CNTN4: variants seen among roughly 807,000 people sequenced by gnomAD.
CNTN4 encodes the protein contactin-4.
Under a neutral mutation model 122.5 loss-of-function variants are expected in CNTN4, and 77 were observed. The ratio of observed to expected loss-of-function variants is 0.63; its 90% CI spans 0.52 to 0.76. The LOEUF (loss-of-function observed/expected upper bound fraction) is 0.76. CNTN4 is among the 30% of genes least tolerant of loss of function. CNTN4 has a pLI of 0.00. For missense variants in CNTN4, 1,256 were observed against 1,259.1 expected (o/e 1.00, Z 0.04); for synonymous variants, 512 against 447.0 (o/e 1.15, Z -1.83).
At chr3:2,394,856 G>A (rs1027423487) in intron 3 of CNTN4, among the ~76,000 whole-genome samples, 3 of 135,458 alleles carry the variant, frequency 2.2e-5, no homozygotes, top group African/African-American at 2.7e-5. Flanking sequence ...GCGCAATCTC[G>A]ACTGACTGCA....
At chr3:2,587,005 A>C (rs1379388169) in intron 4 of CNTN4, among the ~76,000 whole-genome samples, 6 of 152,170 alleles carry the variant, frequency 3.9e-5, no homozygotes, top group African/African-American at 1.4e-4. Flanking sequence ...TTAGCTAATG[A>C]AATTTTCTTC....
At chr3:2,280,118 TA>T (rs887060200) in intron 2 of CNTN4, among the ~76,000 whole-genome samples, 4 of 152,042 alleles carry the variant, frequency 2.6e-5, no homozygotes, top group African/African-American at 9.7e-5. Context: ...AACATGCATT[TA>T]TTTTTTTATT....
chr3:2,535,730 G>A (rs912318513), intron 3 of CNTN4, among the ~76,000 whole-genome samples: 4 of 152,080 alleles, frequency 2.6e-5, no homozygotes, highest in African/African-American at 9.7e-5. Flanking sequence ...ATATTTTGAT[G>A]TTATTTCTAC....
At chr3:2,613,644 C>T (rs1365007863) in intron 4 of CNTN4, among the ~76,000 whole-genome samples, 1 of 152,060 alleles carries the variant, frequency 6.6e-6, no homozygotes, top group African/African-American at 2.4e-5. Context: ...CCAATTTTTG[C>T]TATATGATCA....
chr3:2,420,158 G>A (rs2047561448), intron 3 of CNTN4, among the ~76,000 whole-genome samples: 1 of 152,178 alleles, frequency 6.6e-6, no homozygotes, highest in Non-Finnish European at 1.5e-5. Context: ...TTGTGTTTCT[G>A]AGGAATGCTT....
chr3:2,843,418 C>CCTCCTT (rs1485829306), intron 7 of CNTN4, among the ~76,000 whole-genome samples: 140 of 152,222 alleles, frequency 9.2e-4, no homozygotes, highest in Non-Finnish European at 1.4e-3. Flanking sequence ...AACTGGTGTC[C>CCTCCTT]CTCCTTCTAT....
chr3:2,900,776 G>C lies in CNTN4; in HGVS notation c.1032G>C (p.Lys344Asn). ...FWECKANGRP[K>N]PTYKWLKNGE... ...AATGTAAAGCAAATGGAAGGCCTAA[G>C]CCTACATACAAGTGGCTAAAAAATG... The change falls in exon 11 of 25, where the codon AAG (lysine) becomes AAC (asparagine). Residue 344 changes from lysine to asparagine, a missense_variant. Transcript: ENST00000418658. 1 of 1,613,968 alleles carries C rather than the reference G, an allele frequency of 6.2e-7. No homozygotes were observed.
intron 7 of CNTN4, among the ~76,000 whole-genome samples, chr3:2,855,141 A>G (rs891012042): frequency 6.6e-6 from 1 of 152,204 alleles, no homozygotes; most frequent in Non-Finnish European, 1.5e-5. Context: ...CATACAAAAG[A>G]AAACAAGGTT....
At chr3:2,817,303 C>T (rs1056271798) in intron 6 of CNTN4, among the ~76,000 whole-genome samples, 29 of 152,156 alleles carry the variant, frequency 1.9e-4, no homozygotes, top group African/African-American at 6.3e-4. Flanking sequence ...AAGACCTGCC[C>T]ATGGTATGTA....
intron 2 of CNTN4, among the ~76,000 whole-genome samples, chr3:2,269,094 C>T (rs1465991873): frequency 1.3e-5 from 2 of 152,066 alleles, no homozygotes; most frequent in Admixed American, 6.6e-5. Context: ...AGAAATAAAT[C>T]CACACTGAAT....
intron 4 of CNTN4, among the ~76,000 whole-genome samples, chr3:2,705,909 TA>T (rs2086698808): frequency 8.2e-6 from 1 of 122,516 alleles, no homozygotes; most frequent in Non-Finnish European, 1.6e-5. Flanking sequence ...ATATATTATA[TA>T]TAAAATATAT....
intron 2 of CNTN4, among the ~76,000 whole-genome samples, chr3:2,194,522 T>C (rs951027460): frequency 6.6e-6 from 1 of 152,168 alleles, no homozygotes; most frequent in Admixed American, 6.6e-5. Context: ...TAAATTGTTA[T>C]TGGTTGAATT....
At chr3:2,184,892 A>G (rs2037176787) in intron 2 of CNTN4, among the ~76,000 whole-genome samples, 2 of 152,218 alleles carry the variant, frequency 1.3e-5, no homozygotes, top group Admixed American at 6.5e-5. Flanking sequence ...ACAAATGGAC[A>G]AAGATACTGG....
chr3:2,713,063 C>A (rs2087249032), intron 4 of CNTN4, among the ~76,000 whole-genome samples: 2 of 152,322 alleles, frequency 1.3e-5, no homozygotes, highest in Middle Eastern at 6.8e-3. Context: ...ATTGAACCCA[C>A]AGTGGGTCAT....
chr3:2,963,791 C>G (rs919192881), intron 13 of CNTN4, among the ~76,000 whole-genome samples: 1 of 152,164 alleles, frequency 6.6e-6, no homozygotes, highest in Admixed American at 6.5e-5. Context: ...TTGTTAGTCT[C>G]TCCTTCCACT....
At chr3:2,840,517 G>T (rs538361704) in intron 7 of CNTN4, among the ~76,000 whole-genome samples, 1 of 116,400 alleles carries the variant, frequency 8.6e-6, no homozygotes, top group African/African-American at 2.8e-5. Flanking sequence ...TGGCTAACAC[G>T]GTGAAACCCC....
At chr3:2,859,900 G>A (rs2150760600) in intron 7 of CNTN4, among the ~76,000 whole-genome samples, 1 of 152,148 alleles carries the variant, frequency 6.6e-6, no homozygotes, top group South Asian at 2.1e-4. Flanking sequence ...AAAAAATAGA[G>A]GCAAGAAAAT....
chr3:2,983,428 C>T (rs1312156927), intron 13 of CNTN4, among the ~76,000 whole-genome samples: 1 of 151,992 alleles, frequency 6.6e-6, no homozygotes, highest in South Asian at 2.1e-4. Context: ...TTAGTCTTAA[C>T]AGAATCCTTT....
At chr3:2,257,093 A>G (rs754429220) in intron 2 of CNTN4, among the ~76,000 whole-genome samples, 13 of 152,224 alleles carry the variant, frequency 8.5e-5, no homozygotes, top group Non-Finnish European at 1.8e-4. Flanking sequence ...GAACAGATAC[A>G]TAGACCAATG....
Sources: gnomAD v4.1 joint callset for allele counts (sites outside exome capture counted in the v4.1 genomes callset) on GRCh38, gnomAD v4.1.1 for gene constraint, MANE v1.5 for transcripts, NCBI Gene and HGNC (gene_info 2026-07-23, HGNC 2026-07-21) for gene names.